Variants in PARD3B observed in about 807,000 individuals in gnomAD.
PARD3B encodes partitioning defective 3 homolog B.
PARD3B carries 103 observed loss-of-function variants against 130.2 expected under a neutral mutation model. The observed-to-expected ratio is 0.79, with a 90% CI of 0.67 to 0.93. The LOEUF (loss-of-function observed/expected upper bound fraction) is 0.93, where lower values mean the gene tolerates loss of function less well. PARD3B is among the 40% of genes least tolerant of loss of function. The pLI, the probability that PARD3B is intolerant of heterozygous loss-of-function variation, is 0.00. For synonymous variants in PARD3B, 583 were observed against 553.2 expected, an observed-to-expected ratio of 1.05 and a Z score of -0.76; for missense variants, 1,609 against 1,499.2, an observed-to-expected ratio of 1.07 and a Z score of -1.21.
intron 3 of PARD3B, among the ~76,000 whole-genome samples, chr2:205,026,120 G>A (rs1022254014): frequency 6.6e-6 from 1 of 152,144 alleles, no homozygotes; most frequent in Non-Finnish European, 1.5e-5. Flanking sequence ...CTCTCTGATG[G>A]TAACAATGCA....
At position 205,508,701 on chromosome 2, in the gene PARD3B, C is replaced by T. The variant is rs749101254; in HGVS notation, c.3180+8670C>T. ...TATCCCAATGGTTCCCTCCCAGTGG[C>T]TGACTTTATCAACACATCTTTTGAT... On this transcript the variant is annotated intron_variant, in intron 21 of 22. Coordinates refer to ENST00000406610, the MANE Select transcript of PARD3B (RefSeq NM_001302769.2). Among the ~76,000 whole-genome samples the T allele has an allele frequency of 3.9e-5, 6 of 152,236 alleles. No homozygotes were observed. The South Asian group carries it at 1.2e-3, about 32-fold the overall frequency.
chr2:205,412,779 C>T (rs755386800), intron 19 of PARD3B, among the ~76,000 whole-genome samples: 26 of 152,224 alleles, frequency 1.7e-4, no homozygotes, highest in Non-Finnish European at 3.2e-4. Flanking sequence ...TGAGTTGGTC[C>T]GAATGAATGG....
chr2:204,643,115 CA>C (rs71029202), intron 1 of PARD3B, among the ~76,000 whole-genome samples: 1,094 of 31,786 alleles, frequency 0.034, 37 homozygotes, highest in African/African-American at 0.1. Context: ...CTCTGTCTCA[CA>C]AAAAAAAAAA....
chr2:205,101,461 G>A (rs557223786), intron 4 of PARD3B, among the ~76,000 whole-genome samples: 14 of 152,248 alleles, frequency 9.2e-5, no homozygotes, highest in South Asian at 2.1e-4. Context: ...CAGACATGTG[G>A]GAAATAGTGC....
chr2:205,483,062 G>A (rs886864001), intron 20 of PARD3B, among the ~76,000 whole-genome samples: 1 of 147,982 alleles, frequency 6.8e-6, no homozygotes, highest in Non-Finnish European at 1.5e-5. Flanking sequence ...TCGGTTCATT[G>A]TGTGTCCATG....
chr2:204,581,956 G>C (rs537316127), intron 1 of PARD3B, among the ~76,000 whole-genome samples: 1 of 152,242 alleles, frequency 6.6e-6, no homozygotes, highest in African/African-American at 2.4e-5. Context: ...TTGTAAGTGG[G>C]TTTAAAGCAC....
chr2:205,565,832 G>A (rs1190882440), intron 22 of PARD3B, among the ~76,000 whole-genome samples: 2 of 150,750 alleles, frequency 1.3e-5, no homozygotes, highest in Non-Finnish European at 2.9e-5. Flanking sequence ...TTTCTGTCCT[G>A]TGAAGTTTAT....
chr2:205,045,209 T>C (rs192613230), intron 3 of PARD3B, among the ~76,000 whole-genome samples: 58 of 150,670 alleles, frequency 3.8e-4, no homozygotes, highest in Admixed American at 1.1e-3. Context: ...GCATATTGAT[T>C]GAATACACAA....
At chr2:204,892,108 G>A (rs2046471309) in intron 2 of PARD3B, among the ~76,000 whole-genome samples, 1 of 152,186 alleles carries the variant, frequency 6.6e-6, no homozygotes, top group African/African-American at 2.4e-5. Flanking sequence ...AGGGGACAAG[G>A]TGAAATGGAG....
Position 204,664,533 on chromosome 2 carries a change from T to C in PARD3B, c.121-21648T>C, listed in dbSNP as rs749341008. ...GATTTTTTTTTCCAGTTTGACATGA[T>C]AGTAAGTGACATTGCATTGTATAAA... On this transcript the variant is annotated intron_variant, in intron 1 of 22. Transcript: ENST00000406610. This position sits in a 1 kb window ranked among gnomAD's most constrained non-coding sequence, Gnocchi z 5.2. 1.6e-4 allele frequency among the ~76,000 whole-genome samples: 24 copies of C among 152,300 alleles called. No individual in the cohort carries two copies. The highest frequency in any genetic ancestry group is 2.4e-4 in the Non-Finnish European group (16 of 68,014).
rs190629726 is a variant in PARD3B at position 204,904,516 on chromosome 2, C to A, written c.223-60636C>A. On this transcript the variant is annotated intron_variant, in intron 2 of 22. Transcript: ENST00000406610. ...CCATCGTCTACCCTTCTATTTTATA[C>A]CCCCTAAATATTTATATCTACTATG... Among the ~76,000 whole-genome samples, 546 of 152,030 alleles carry A rather than the reference C, an allele frequency of 3.6e-3. 2 individuals are homozygous for A. Among genetic ancestry groups the A allele is most frequent in the African/African-American group, 0.013 (526 of 41,486 alleles).
chr2:205,317,144 G>A (rs1049147889), intron 18 of PARD3B, among the ~76,000 whole-genome samples: 1 of 152,122 alleles, frequency 6.6e-6, no homozygotes, highest in Non-Finnish European at 1.5e-5. Context: ...CATAAATGAT[G>A]GTTAAACCAC....
At chr2:205,347,259 G>A (rs2043828230) in intron 18 of PARD3B, among the ~76,000 whole-genome samples, 1 of 151,968 alleles carries the variant, frequency 6.6e-6, no homozygotes, top group Non-Finnish European at 1.5e-5. Context: ...ACTGGTAAGG[G>A]GTCCAACTCA....
At position 204,546,032 on chromosome 2, in the gene PARD3B, C is replaced by T; in HGVS notation, c.33C>T (p.Gly11=). MKVTVCFGRT[G]IVVPCKEGQL... ...TGACCGTGTGCTTCGGCAGGACGGG[C>T]ATCGTGGTGCCCTGCAAGGAGGGCC... is the stretch of plus-strand genomic sequence containing the variant. The change falls in exon 1 of 23, where the codon GGC becomes GGT. Residue 11 remains glycine, a synonymous_variant. Transcript: ENST00000406610. 9 of 1,567,120 alleles carry T rather than the reference C, an allele frequency of 5.7e-6. No individual in the cohort carries two copies. The highest frequency in any genetic ancestry group is 6.9e-6 in the Non-Finnish European group (8 of 1,155,406).
At chr2:205,009,409 T>C (rs534619904) in intron 3 of PARD3B, among the ~76,000 whole-genome samples, 1 of 152,010 alleles carries the variant, frequency 6.6e-6, no homozygotes, top group East Asian at 1.9e-4. Flanking sequence ...TGGTGGCTCA[T>C]GCCTGTAATC....
intron 2 of PARD3B, among the ~76,000 whole-genome samples, chr2:204,763,039 C>G (rs1468311700): frequency 5.9e-5 from 9 of 152,192 alleles, no homozygotes; most frequent in African/African-American, 2.2e-4. Context: ...GGATTACATG[C>G]GTGAGCCACT....
chr2:205,399,745 A>C (rs13025619), intron 18 of PARD3B, among the ~76,000 whole-genome samples: 1 of 152,208 alleles, frequency 6.6e-6, no homozygotes, highest in Non-Finnish European at 1.5e-5. Flanking sequence ...CATAACTGCC[A>C]CTGTGCCCTT....
chr2:204,941,532 A>G (rs1489419300), intron 2 of PARD3B, among the ~76,000 whole-genome samples: 1 of 152,236 alleles, frequency 6.6e-6, no homozygotes, highest in Non-Finnish European at 1.5e-5. Context: ...GATTAGATTT[A>G]TTACTGCTGC....
intron 19 of PARD3B, among the ~76,000 whole-genome samples, chr2:205,417,970 A>T (rs1447163403): frequency 1.3e-5 from 2 of 152,154 alleles, no homozygotes; most frequent in Non-Finnish European, 2.9e-5. Context: ...GTTAATCTGT[A>T]TCATCTTGTA....
Sources: allele counts gnomAD v4.1 joint callset (sites outside exome capture counted in the v4.1 genomes callset), GRCh38; gene constraint gnomAD v4.1.1; non-coding constraint Gnocchi (gnomAD v3.1); transcripts MANE v1.5; gene names NCBI Gene and HGNC (gene_info 2026-07-23, HGNC 2026-07-21).